Variants in ZNF775 observed in about 807,000 individuals in gnomAD.
ZNF775 encodes zinc finger protein 775.
Under a neutral mutation model 2.4 loss-of-function variants are expected in ZNF775, and 1 was observed. The ratio of observed to expected loss-of-function variants is 0.41; its 90% CI spans 0.15 to 1.94. The LOEUF (loss-of-function observed/expected upper bound fraction) is 1.94. ZNF775 is among the 30% of genes most tolerant of loss of function. The pLI is 0.30. For missense variants in ZNF775, 823 were observed against 826.6 expected (o/e 1.00, Z 0.05); for synonymous variants, 381 against 373.3 (o/e 1.02, Z -0.24).
intron 1 of ZNF775, 107 bp from the exon 2 acceptor site, chr7:150,388,314 CT>C: frequency 1.2e-6 from 1 of 808,594 alleles, no homozygotes; most frequent in East Asian, 2.7e-5. Context: ...GATAGAAAAG[CT>C]CTTTGGAAAA....
At chr7:150,390,515 A>C (rs748988818) in intron 2 of ZNF775, among the ~76,000 whole-genome samples, 8 of 152,194 alleles carry the variant, frequency 5.3e-5, no homozygotes, top group Non-Finnish European at 8.8e-5. Context: ...GTGTGTATAC[A>C]TAGAGACATA....
intron 1 of ZNF775, among the ~76,000 whole-genome samples, chr7:150,380,952 C>A (rs1800350282): frequency 6.6e-6 from 1 of 152,174 alleles, no homozygotes; most frequent in South Asian, 2.1e-4. Context: ...TGAAGGGGTC[C>A]CTGCTCCATC....
At chr7:150,385,360 G>T (rs926827129) in intron 1 of ZNF775, among the ~76,000 whole-genome samples, 5 of 152,224 alleles carry the variant, frequency 3.3e-5, no homozygotes, top group African/African-American at 1.2e-4. Context: ...GAATGTGCAT[G>T]AAACCAGAAT....
chr7:150,383,525 G>A (rs536049993), intron 1 of ZNF775, among the ~76,000 whole-genome samples: 17 of 152,286 alleles, frequency 1.1e-4, no homozygotes, highest in African/African-American at 3.6e-4. Context: ...CTGGGGACCC[G>A]GTGGAGTTGA....
chr7:150,396,757 C>T lies in ZNF775; in HGVS notation c.276C>T (p.Ala92=). 6.3e-7 allele frequency: 1 copy of T among 1,588,746 alleles called. No homozygotes were observed. Among genetic ancestry groups the T allele is most frequent in the Non-Finnish European group, 8.6e-7 (1 of 1,168,166 alleles). Residue 92 remains alanine, a synonymous_variant, in exon 3 of 3, where the codon GCC becomes GCT. Coordinates refer to ENST00000329630, the MANE Select transcript of ZNF775 (RefSeq NM_173680.4). ...AGLAGRAPGS[A]SGPLSPSLSS... Reference sequence around the variant, plus strand: ...TGGCAGGCCGGGCTCCCGGGTCAGCCTCCGGCCCCCTGAGCCCCTCGCTTT... The same window carrying T: ...TGGCAGGCCGGGCTCCCGGGTCAGCTTCCGGCCCCCTGAGCCCCTCGCTTT...
intron 1 of ZNF775, among the ~76,000 whole-genome samples, chr7:150,387,718 C>CAGG (rs1161790578): frequency 1.3e-5 from 2 of 151,858 alleles, no homozygotes; most frequent in Non-Finnish European, 2.9e-5. Context: ...GAGGCTGAGG[C>CAGG]AGAATGGCGT....
intron 2 of ZNF775, among the ~76,000 whole-genome samples, chr7:150,396,087 G>C (rs956301183): frequency 5.3e-5 from 8 of 152,258 alleles, no homozygotes; most frequent in South Asian, 2.1e-4. Context: ...ATGTTTTGCA[G>C]CTTGGCCACT....
chr7:150,383,989 T>C (rs940196854), intron 1 of ZNF775: 3 of 152,558 alleles, frequency 2.0e-5, no homozygotes, highest in African/African-American at 7.2e-5. Flanking sequence ...CCAAAGCTCC[T>C]TTGTTGCCTC....
rs1046771118 is a variant in ZNF775, at chr7:150,388,407, T to C, written c.-49-15T>C. The C allele has an allele frequency of 2.6e-6, 4 of 1,547,416 alleles. No individual in the cohort carries two copies. In the African/African-American group the frequency reaches 5.5e-5, roughly 21 times the overall value. Reference sequence around the variant, plus strand: ...CACAGGCCCATTCTCTTTCTTCTGCTTCTCTTTCTGACAGATGGCAGGAAA... The same window carrying C: ...CACAGGCCCATTCTCTTTCTTCTGCCTCTCTTTCTGACAGATGGCAGGAAA... On this transcript the variant is annotated splice_polypyrimidine_tract_variant and intron_variant, in intron 1 of 2. Transcript: ENST00000329630.
chr7:150,397,263 G>T lies in ZNF775; in HGVS notation c.782G>T (p.Gly261Val). The T allele has an allele frequency of 2.2e-6, 3 of 1,387,650 alleles. No individual in the cohort carries two copies. Among genetic ancestry groups the T allele is most frequent in the Non-Finnish European group, 2.8e-6 (3 of 1,071,034 alleles). 86.0% of individuals were successfully genotyped at this position (1,387,650 alleles called of 1,614,324 possible). The change falls in exon 3 of 3, where the codon GGC becomes GTC. Residue 261 changes from glycine to valine, a missense_variant. Gly to Val is a moderately radical substitution (Grantham distance 109). Coordinates refer to ENST00000329630, the MANE Select transcript of ZNF775 (RefSeq NM_173680.4). ...CTGGGGCTCTGCCAGGGCTGGTGGG[G>T]CCAGCCCGGGGCCCGGGCCGCGGTC... ...AWLGLCQGWW[G>V]QPGARAAVSG... is the part of the protein sequence containing the mutation.
Position 150,398,392 on chromosome 7 carries a change from G to C in ZNF775, c.*297G>C. 2.1e-6 allele frequency: 1 copy of C among 482,850 alleles called. No homozygotes were observed. The highest frequency in any genetic ancestry group is 3.7e-6 in the Non-Finnish European group (1 of 273,682). 29.9% of individuals were successfully genotyped at this position (482,850 alleles called of 1,614,324 possible). A position where few individuals can be genotyped will look rare whatever the true frequency, so the allele number is the denominator to read the frequency against. On this transcript the variant is annotated 3_prime_UTR_variant, in exon 3 of 3. Transcript: ENST00000329630. ...CAAGCACCGAGTGAGGGGTCTGTTG[G>C]GGACGCTGGGAGAGTCTCTGGTGTG...
rs749168504 is a variant in ZNF775 at position 150,397,619 on chromosome 7, G to A, written c.1138G>A (p.Ala380Thr). Residue 380 changes from alanine to threonine, a missense_variant, in exon 3 of 3, where the codon GCG (alanine) becomes ACG (threonine). Ala to Thr is a moderately conservative substitution (Grantham distance 58). Coordinates refer to ENST00000329630, the MANE Select transcript of ZNF775 (RefSeq NM_173680.4). ...SCGKSCRSRAALRAHQRAHAV... is the reference protein window; with the variant it reads ...SCGKSCRSRATLRAHQRAHAV... Reference sequence around the variant, plus strand: ...CGGTAAGAGCTGCCGCAGCCGCGCCGCGCTGCGCGCCCACCAGCGCGCCCA... The same window carrying A: ...CGGTAAGAGCTGCCGCAGCCGCGCCACGCTGCGCGCCCACCAGCGCGCCCA... 26 of 1,373,830 alleles carry A rather than the reference G, an allele frequency of 1.9e-5. No homozygotes were observed. Among genetic ancestry groups the A allele is most frequent in the South Asian group, 4.5e-5 (3 of 66,488 alleles). 85.1% of individuals were successfully genotyped at this position (1,373,830 alleles called of 1,614,324 possible).
chr7:150,384,605 G>T lies in ZNF775; in HGVS notation c.-49-3817G>T, dbSNP rs116659343. The stretch of plus-strand genomic sequence containing the variant: ...CCACCTGAGCACACAGGTAGAGGCG[G>T]GTCCCCAAAGACTTGGCCTCCCCTC... On this transcript the variant is annotated intron_variant, in intron 1 of 2. Coordinates refer to ENST00000329630, the MANE Select transcript of ZNF775 (RefSeq NM_173680.4). This position sits in a 1 kb window ranked among gnomAD's most constrained non-coding sequence, Gnocchi z 4.1. 0.013 allele frequency among the ~76,000 whole-genome samples: 1,977 copies of T among 152,268 alleles called. 41 individuals carry two copies. Among genetic ancestry groups the T allele is most frequent in the African/African-American group, 0.045 (1,866 of 41,542 alleles).
intron 2 of ZNF775, among the ~76,000 whole-genome samples, chr7:150,391,415 G>A (rs2129621113): frequency 6.6e-6 from 1 of 152,270 alleles, no homozygotes; most frequent in East Asian, 1.9e-4. Context: ...GGCTGAGGCA[G>A]GAGAATCACT....
chr7:150,396,909 G>A lies in ZNF775; in HGVS notation c.428G>A (p.Ser143Asn). The A allele has an allele frequency of 6.2e-7, 1 of 1,602,366 alleles. No homozygotes were observed. The highest frequency in any genetic ancestry group is 8.5e-7 in the Non-Finnish European group (1 of 1,179,740). Residue 143 changes from serine to asparagine, a missense_variant, in exon 3 of 3, where the codon AGC becomes AAC. By Grantham distance (46) the Ser-to-Asn change is conservative. Coordinates refer to ENST00000329630, the MANE Select transcript of ZNF775 (RefSeq NM_173680.4). ...TACCTCTGCGGCAAGTGCGGCAAGA[G>A]CTTCAGCCAGAAGCCGAACCTGGCG... ...KPYLCGKCGK[S>N]FSQKPNLARH...
rs1156857123 is a variant in ZNF775 at position 150,396,635 on chromosome 7, C to T, written c.154C>T (p.Pro52Ser). 9.3e-6 allele frequency: 15 copies of T among 1,611,650 alleles called. No individual in the cohort carries two copies. Among genetic ancestry groups the T allele is most frequent in the African/African-American group, 1.3e-5 (1 of 75,060 alleles). ...ENIFQQHRGL[P>S]PRQTMGRPRA... ...CATATTTCAGCAGCACCGGGGCCTC[C>T]CGCCACGCCAGACCATGGGGCGGCC... is the stretch of plus-strand genomic sequence containing the variant. Residue 52 changes from proline to serine, a missense_variant, in exon 3 of 3, where the codon CCG becomes TCG. Transcript: ENST00000329630.
Position 150,397,066 on chromosome 7 carries a change from G to C in ZNF775, c.585G>C (p.Glu195Asp), listed in dbSNP as rs1800677238. 1.3e-6 allele frequency: 2 copies of C among 1,590,156 alleles called. No individual in the cohort carries two copies. Among genetic ancestry groups the C allele is most frequent in the South Asian group, 1.1e-5 (1 of 89,724 alleles). ...HSRPATHSCP[E>D]CERCFRHQVG... ...GGCCCGCCACCCACTCGTGCCCCGAGTGCGAGCGCTGCTTCCGTCACCAGG... is the reference window on the plus strand; with the variant it reads ...GGCCCGCCACCCACTCGTGCCCCGACTGCGAGCGCTGCTTCCGTCACCAGG... Residue 195 changes from glutamate to aspartate, a missense_variant, in exon 3 of 3, where the codon GAG (glutamate) becomes GAC (aspartate). Coordinates refer to ENST00000329630, the MANE Select transcript of ZNF775 (RefSeq NM_173680.4).
At chr7:150,392,942 A>T (rs554924534) in intron 2 of ZNF775, among the ~76,000 whole-genome samples, 2 of 152,210 alleles carry the variant, frequency 1.3e-5, no homozygotes, top group Non-Finnish European at 2.9e-5. Flanking sequence ...TTTTGCATTC[A>T]TATGGTACAT....
Position 150,388,535 on chromosome 7 carries a change from G to T in ZNF775, c.31+34G>T, listed in dbSNP as rs997105084. The T allele has an allele frequency of 5.8e-6, 9 of 1,551,234 alleles. No homozygotes were observed. In the African/African-American group the frequency reaches 8.2e-5, roughly 14 times the overall value. ...GAAGAAAGAGGAGGCAGGGGAGCGGGGTCTCCTCTGCTGAGGTCACGTGCC... is the reference window on the plus strand; with the variant it reads ...GAAGAAAGAGGAGGCAGGGGAGCGGTGTCTCCTCTGCTGAGGTCACGTGCC... On this transcript the variant is annotated intron_variant, in intron 2 of 2. Coordinates refer to ENST00000329630, the MANE Select transcript of ZNF775 (RefSeq NM_173680.4).
Sources: gnomAD v4.1 joint callset for allele counts (sites outside exome capture counted in the v4.1 genomes callset) on GRCh38, gnomAD v4.1.1 for gene constraint, Gnocchi (gnomAD v3.1) non-coding constraint, MANE v1.5 for transcripts, NCBI Gene and HGNC (gene_info 2026-07-23, HGNC 2026-07-21) for gene names.